Variants in NEDD4L observed in about 807,000 individuals in gnomAD.
NEDD4L encodes E3 ubiquitin-protein ligase NEDD4-like.
Under a neutral mutation model 148.9 loss-of-function variants are expected in NEDD4L, and 54 were observed. The observed-to-expected ratio is 0.36, with a 90% confidence interval of 0.29 to 0.45. NEDD4L has a LOEUF of 0.45. Ranked by LOEUF, NEDD4L falls within the 20% of genes least tolerant of loss-of-function variation. NEDD4L has a pLI of 1.00. For missense variants in NEDD4L, 856 were observed against 1,233.8 expected, an observed-to-expected ratio of 0.69 and a Z score of 4.59; for synonymous variants, 433 against 440.7, an observed-to-expected ratio of 0.98 and a Z score of 0.22.
intron 2 of NEDD4L, among the ~76,000 whole-genome samples, chr18:58,179,122 A>T (rs1338171540): frequency 6.6e-6 from 1 of 152,212 alleles, no homozygotes; most frequent in African/African-American, 2.4e-5. Context: ...ATTATTTAGC[A>T]AATCTGGAAA....
chr18:58,147,995 A>G (rs1044516538), intron 1 of NEDD4L, among the ~76,000 whole-genome samples: 1 of 151,934 alleles, frequency 6.6e-6, no homozygotes, highest in Non-Finnish European at 1.5e-5. Context: ...TGGTCAGGCC[A>G]TGTGCCCAGG....
At chr18:58,255,519 G>A in intron 5 of NEDD4L, 5 of 1,231,176 alleles carry the variant, frequency 4.1e-6, no homozygotes, top group Middle Eastern at 3.1e-4. Context: ...CGGTGCCGCA[G>A]TGCTAACAGT....
At chr18:58,361,023 C>G (rs780196921) in intron 19 of NEDD4L, among the ~76,000 whole-genome samples, 2 of 152,090 alleles carry the variant, frequency 1.3e-5, no homozygotes, top group Non-Finnish European at 2.9e-5. Flanking sequence ...TTGCAACTTC[C>G]CTGGTCCGGT....
intron 2 of NEDD4L, among the ~76,000 whole-genome samples, chr18:58,192,197 G>C (rs939741614): frequency 6.6e-6 from 1 of 152,194 alleles, no homozygotes; most frequent in South Asian, 2.1e-4. Flanking sequence ...GATAGCATTT[G>C]AGTTGGCTTT....
chr18:58,093,118 G>A (rs2084181488), intron 1 of NEDD4L, among the ~76,000 whole-genome samples: 1 of 152,106 alleles, frequency 6.6e-6, no homozygotes, highest in Non-Finnish European at 1.5e-5. Context: ...TAAGGTAAAT[G>A]ACCAGGGGCT....
At chr18:58,349,641 G>A (rs999851423) in intron 17 of NEDD4L, 27 bp downstream of exon 17, 28 of 1,549,528 alleles carry the variant, frequency 1.8e-5, no homozygotes, top group Non-Finnish European at 2.2e-5. Flanking sequence ...CACATGGAAT[G>A]GTCTGAATAT....
rs57282316 is a variant in NEDD4L at position 58,245,674 on chromosome 18, CTTTTTTTTTTTTT to C, written c.204+178_204+190del. 1.1e-3 allele frequency among the ~76,000 whole-genome samples: 99 copies of C among 89,266 alleles called. 1 individual carries two copies. The South Asian group carries it at 0.038, about 34-fold the overall frequency. The allele number at this position is 89,266 out of a possible 152,430, so 58.6% of individuals were successfully genotyped here. ...CATATACAAGTGCATCACTTTTTCT[CTTTTTTTTTTTTT>C]TTTTTTTTTTTGAGATGGAGTCTCA... On this transcript the variant is annotated intron_variant, in intron 3 of 30. Transcript: ENST00000400345.
At chr18:58,239,503 C>G (rs1224266137) in intron 2 of NEDD4L, among the ~76,000 whole-genome samples, 1 of 152,216 alleles carries the variant, frequency 6.6e-6, no homozygotes, top group East Asian at 1.9e-4. Context: ...CCTCCCCTCT[C>G]CCCTTACGAC....
Position 58,366,351 on chromosome 18 carries a change from C to T in NEDD4L, c.2063+123C>T. ...ATTAACTCTGCTGAGTTTGTTCTCT[C>T]CTCACCCCACAGCCCCTTGCAAGTC... On this transcript the variant is annotated intron_variant, in intron 21 of 30. Coordinates refer to ENST00000400345, the MANE Select transcript of NEDD4L (RefSeq NM_001144967.3). The surrounding 1 kb of genome is among the most constrained non-coding windows in gnomAD (Gnocchi z 4.2). The T allele has an allele frequency of 1.5e-6, 1 of 646,146 alleles. No homozygotes were observed. Among genetic ancestry groups the T allele is most frequent in the South Asian group, 2.5e-5 (1 of 39,898 alleles). 40.0% of individuals were successfully genotyped at this position (646,146 alleles called of 1,614,324 possible).
intron 5 of NEDD4L, among the ~76,000 whole-genome samples, chr18:58,258,024 C>T (rs1358560378): frequency 6.6e-6 from 1 of 152,210 alleles, no homozygotes; most frequent in African/African-American, 2.4e-5. Flanking sequence ...TTTCGTCTTT[C>T]AAGTAAACTT....
intron 1 of NEDD4L, among the ~76,000 whole-genome samples, chr18:58,151,622 G>GGGGTGTGT (rs1568290916): frequency 3.1e-4 from 19 of 60,940 alleles, no homozygotes; most frequent in African/African-American, 1.1e-3. Flanking sequence ...GCTGTGCCTG[G>GGGGTGTGT]ATATGTGTGT....
intron 2 of NEDD4L, among the ~76,000 whole-genome samples, chr18:58,243,083 A>G (rs1156588432): frequency 6.6e-6 from 1 of 152,210 alleles, no homozygotes; most frequent in Non-Finnish European, 1.5e-5. Flanking sequence ...TATTCAAGGG[A>G]TACAGACTGA....
chr18:58,084,685 G>GTGTGTGTGTA (rs2083662281), intron 1 of NEDD4L, among the ~76,000 whole-genome samples: 1 of 151,022 alleles, frequency 6.6e-6, no homozygotes, highest in South Asian at 2.1e-4. Flanking sequence ...GTGTGTGTGT[G>GTGTGTGTGTA]TGTGTGTGTG....
intron 2 of NEDD4L, among the ~76,000 whole-genome samples, chr18:58,181,981 A>T (rs182406137): frequency 1.3e-5 from 2 of 152,136 alleles, no homozygotes; most frequent in African/African-American, 4.8e-5. Context: ...AACTTTGTAG[A>T]TGACATTGTT....
chr18:58,055,706 C>G (rs1159487832), intron 1 of NEDD4L, among the ~76,000 whole-genome samples: 1 of 152,176 alleles, frequency 6.6e-6, no homozygotes, highest in Non-Finnish European at 1.5e-5. Flanking sequence ...AATTGTATTT[C>G]TTTTTCCCCA....
At chr18:58,311,627 G>A (rs2057708092) in intron 5 of NEDD4L, among the ~76,000 whole-genome samples, 1 of 152,242 alleles carries the variant, frequency 6.6e-6, no homozygotes, top group Non-Finnish European at 1.5e-5. Flanking sequence ...ATAGGGTGGG[G>A]TGGTCATTGG....
chr18:58,104,633 A>G (rs1219744416), intron 1 of NEDD4L, among the ~76,000 whole-genome samples: 3 of 152,230 alleles, frequency 2.0e-5, no homozygotes, highest in East Asian at 1.9e-4. Context: ...TTAAATGGCA[A>G]CGTGCTGAAT....
intron 5 of NEDD4L, among the ~76,000 whole-genome samples, chr18:58,309,903 GT>G (rs2057487857): frequency 6.6e-6 from 1 of 152,170 alleles, no homozygotes; most frequent in African/African-American, 2.4e-5. Context: ...CCACAAAGGA[GT>G]GTCTTCTCAC....
intron 1 of NEDD4L, among the ~76,000 whole-genome samples, chr18:58,115,245 C>CTTTTTTTTTTTTTTTTTTTTTTTCT (rs60541981): frequency 7.7e-6 from 1 of 129,538 alleles, no homozygotes; most frequent in African/African-American, 2.9e-5. Flanking sequence ...TTCTTTCTTT[C>CTTTTTTTTTTTTTTTTTTTTTTTCT]TTTTTTTTTT....
Sources: gnomAD v4.1 joint callset for allele counts (sites outside exome capture counted in the v4.1 genomes callset) on GRCh38, gnomAD v4.1.1 for gene constraint, Gnocchi (gnomAD v3.1) non-coding constraint, MANE v1.5 for transcripts, NCBI Gene and HGNC (gene_info 2026-07-23, HGNC 2026-07-21) for gene names.